EYA4: variants seen among roughly 807,000 people sequenced by gnomAD.
EYA4 encodes the protein protein phosphatase EYA4.
EYA4 carries 31 observed loss-of-function variants against 87.9 expected under a neutral mutation model. The ratio of observed to expected loss-of-function variants is 0.35; its 90% CI spans 0.27 to 0.48. The LOEUF is 0.48. Ranked by LOEUF, EYA4 falls within the 20% of genes least tolerant of loss-of-function variation. The pLI is 0.99. For synonymous variants in EYA4, 263 were observed against 270.6 expected (o/e 0.97, Z 0.28); for missense variants, 678 against 761.4 (o/e 0.89, Z 1.29).
chr6:133,531,241 G>A lies in EYA4; in HGVS notation c.*2436G>A. The A allele has an allele frequency of 3.3e-6, 5 of 1,525,710 alleles. No homozygotes were observed. Among genetic ancestry groups the A allele is most frequent in the Non-Finnish European group, 4.4e-6 (5 of 1,138,426 alleles). The allele number at this position is 1,525,710 out of a possible 1,614,324, so 94.5% of individuals were successfully genotyped here. A position where few individuals can be genotyped will look rare whatever the true frequency, so the allele number is the denominator to read the frequency against. ...TGCCGGCATAAAACCTAAATGCAAG[G>A]TTGACGGAGAACAGCTTGTCTGGCA... On this transcript the variant is annotated 3_prime_UTR_variant, in exon 20 of 20. Coordinates refer to ENST00000355286, the MANE Select transcript of EYA4 (RefSeq NM_004100.5).
chr6:133,489,982 A>T (rs886114477), intron 13 of EYA4, among the ~76,000 whole-genome samples: 1 of 152,196 alleles, frequency 6.6e-6, no homozygotes, highest in Non-Finnish European at 1.5e-5. Flanking sequence ...AATAGGATAT[A>T]AATAGAAACA....
At chr6:133,339,063 A>G (rs1006586889) in intron 2 of EYA4, among the ~76,000 whole-genome samples, 1 of 152,162 alleles carries the variant, frequency 6.6e-6, no homozygotes, top group Non-Finnish European at 1.5e-5. Context: ...TAAGGAAAGC[A>G]TGTGCTGTGT....
chr6:133,288,304 A>G (rs537077832), intron 2 of EYA4, among the ~76,000 whole-genome samples: 4 of 152,212 alleles, frequency 2.6e-5, no homozygotes, highest in Non-Finnish European at 5.9e-5. Context: ...AACTTATGAC[A>G]TGATGGTGGA....
At chr6:133,376,967 T>G (rs372430396) in intron 2 of EYA4, among the ~76,000 whole-genome samples, 17 of 152,016 alleles carry the variant, frequency 1.1e-4, no homozygotes, top group East Asian at 7.7e-4. Context: ...GTGACTAATG[T>G]AATAATATTG....
At chr6:133,312,852 TCC>T (rs55663948) in intron 2 of EYA4, among the ~76,000 whole-genome samples, 65,682 of 151,470 alleles carry the variant, frequency 0.43, 14,961 homozygotes, top group Non-Finnish European at 0.53. Context: ...TTTTTTCCAT[TCC>T]TTCCATCTTG....
rs1012756376 is a variant in EYA4, at chr6:133,375,459, A to T, written c.34-6933A>T. 9.8e-4 allele frequency among the ~76,000 whole-genome samples: 149 copies of T among 151,924 alleles called. 1 individual carries two copies. Among genetic ancestry groups the T allele is most frequent in the Non-Finnish European group, 1.6e-3 (107 of 67,874 alleles). The stretch of plus-strand genomic sequence containing the variant: ...TTATTACATTAGGACTCAATTTTTA[A>T]GTTAATACCTACTTTTACATTTTTT... On this transcript the variant is annotated intron_variant, in intron 2 of 19. Transcript: ENST00000355286.
At chr6:133,442,578 T>C (rs1792416572) in intron 3 of EYA4, among the ~76,000 whole-genome samples, 1 of 152,154 alleles carries the variant, frequency 6.6e-6, no homozygotes, top group South Asian at 2.1e-4. Flanking sequence ...GGGTTTGGGG[T>C]ATGAATTTCC....
chr6:133,337,948 T>C (rs1259930044), intron 2 of EYA4, among the ~76,000 whole-genome samples: 1 of 152,196 alleles, frequency 6.6e-6, no homozygotes, highest in East Asian at 1.9e-4. Context: ...CTTTCTGAGT[T>C]GGTGAAAGAT....
At chr6:133,348,266 T>G (rs908028008) in intron 2 of EYA4, among the ~76,000 whole-genome samples, 3 of 101,038 alleles carry the variant, frequency 3.0e-5, no homozygotes, top group South Asian at 4.0e-4. Flanking sequence ...AAGTAGTTTT[T>G]TTTTTTTTTT....
At chr6:133,297,284 C>G (rs572356853) in intron 2 of EYA4, among the ~76,000 whole-genome samples, 1 of 152,252 alleles carries the variant, frequency 6.6e-6, no homozygotes, top group African/African-American at 2.4e-5. Context: ...CTTGGAAACC[C>G]TATCATCTGG....
intron 3 of EYA4, among the ~76,000 whole-genome samples, chr6:133,395,032 AT>A (rs1787665520): frequency 6.6e-6 from 1 of 152,216 alleles, no homozygotes; most frequent in South Asian, 2.1e-4. Flanking sequence ...TCCCATTAAA[AT>A]ATTTTAGAAT....
intron 2 of EYA4, among the ~76,000 whole-genome samples, chr6:133,315,205 A>G (rs1780532401): frequency 6.6e-6 from 1 of 152,152 alleles, no homozygotes; most frequent in Admixed American, 6.6e-5. Flanking sequence ...CTTGGCCTGC[A>G]CAGCTGTGTA....
intron 17 of EYA4, among the ~76,000 whole-genome samples, chr6:133,516,569 A>C (rs934950782): frequency 4.6e-5 from 7 of 151,132 alleles, no homozygotes; most frequent in Admixed American, 1.3e-4. Context: ...AAAAAAAAAA[A>C]CAAAATTAGC....
At chr6:133,482,893 A>AAAAC (rs1796339721) in intron 12 of EYA4, 139 bp from the exon 13 acceptor site, 1 of 741,296 alleles carries the variant, frequency 1.3e-6, no homozygotes, top group African/African-American at 1.8e-5. Context: ...GCAAATTTGA[A>AAAAC]AAACAAAAAA....
At chr6:133,448,397 C>T (rs543518222) in intron 5 of EYA4, among the ~76,000 whole-genome samples, 1 of 152,056 alleles carries the variant, frequency 6.6e-6, no homozygotes, top group East Asian at 1.9e-4. Flanking sequence ...TATTAGTATT[C>T]TTTTCTTAAA....
chr6:133,421,818 C>T lies in EYA4; in HGVS notation c.84-24812C>T, dbSNP rs538528656. Among the ~76,000 whole-genome samples, 3 of 152,246 alleles carry T rather than the reference C, an allele frequency of 2.0e-5. No individual in the cohort carries two copies. In the East Asian group the frequency reaches 5.8e-4, roughly 29 times the overall value. ...CAGAGTTATGGATAGCCGTATACTT[C>T]CCTAGTGTTTATAGATAGGATTGTG... On this transcript the variant is annotated intron_variant, in intron 3 of 19. Coordinates refer to ENST00000355286, the MANE Select transcript of EYA4 (RefSeq NM_004100.5).
At chr6:133,413,650 A>G (rs1046780726) in intron 3 of EYA4, among the ~76,000 whole-genome samples, 1 of 151,950 alleles carries the variant, frequency 6.6e-6, no homozygotes, top group Non-Finnish European at 1.5e-5. Context: ...TATCACTTGT[A>G]TCTTTTTACT....
chr6:133,468,824 C>A, intron 11 of EYA4, 93 bp downstream of exon 11: 1 of 1,274,074 alleles, frequency 7.8e-7, no homozygotes. Flanking sequence ...TGGCGGAAAG[C>A]TCCCAGATAA....
intron 3 of EYA4, among the ~76,000 whole-genome samples, chr6:133,443,187 A>C (rs1026372296): frequency 1.3e-5 from 2 of 151,956 alleles, no homozygotes; most frequent in African/African-American, 4.8e-5. Flanking sequence ...TTATTAAAAA[A>C]ATTGTTACTA....
Sources: allele counts gnomAD v4.1 joint callset (sites outside exome capture counted in the v4.1 genomes callset), GRCh38; gene constraint gnomAD v4.1.1; transcripts MANE v1.5; gene names NCBI Gene and HGNC (gene_info 2026-07-23, HGNC 2026-07-21).